The following CRYBG1 variants were observed in gnomAD, a reference collection of about 807,000 sequenced individuals.
CRYBG1 encodes beta/gamma crystallin domain-containing protein 1.
CRYBG1 carries 139 observed loss-of-function variants against 189.2 expected under a neutral mutation model. That is an observed-to-expected ratio of 0.73 (90% CI 0.64 to 0.85). CRYBG1 has a LOEUF of 0.85. Among genes scored for constraint, CRYBG1 ranks in the 40% least tolerant of loss-of-function variants. CRYBG1 has a pLI of 0.00. For synonymous variants in CRYBG1, 1,023 were observed against 1,017.1 expected, an observed-to-expected ratio of 1.01 and a Z score of -0.11; for missense variants, 2,611 against 2,675.8, an observed-to-expected ratio of 0.98 and a Z score of 0.53.
intron 1 of CRYBG1, among the ~76,000 whole-genome samples, chr6:106,433,757 G>GTATATATA (rs1562305866): frequency 1.3e-4 from 3 of 23,540 alleles, no homozygotes; most frequent in African/African-American, 3.3e-4. Flanking sequence ...ATATATATAT[G>GTATATATA]TGTATATATA....
At chr6:106,444,077 C>T (rs2353589) in intron 1 of CRYBG1, among the ~76,000 whole-genome samples, 1 of 151,930 alleles carries the variant, frequency 6.6e-6, no homozygotes, top group Non-Finnish European at 1.5e-5. Context: ...GCTACAAAGG[C>T]TAACAATTGA....
intron 1 of CRYBG1, among the ~76,000 whole-genome samples, chr6:106,399,753 C>A (rs565149316): frequency 6.6e-6 from 1 of 150,976 alleles, no homozygotes; most frequent in Non-Finnish European, 1.5e-5. Flanking sequence ...AACTCCTGGG[C>A]TCAAGGCATC....
chr6:106,390,266 T>C (rs957485163), intron 1 of CRYBG1, among the ~76,000 whole-genome samples: 4 of 152,150 alleles, frequency 2.6e-5, no homozygotes, highest in African/African-American at 9.7e-5. Flanking sequence ...TTTTAGGGAC[T>C]TAGTACCAAA....
chr6:106,394,199 A>G (rs926013713), intron 1 of CRYBG1, among the ~76,000 whole-genome samples: 4 of 152,186 alleles, frequency 2.6e-5, no homozygotes, highest in Non-Finnish European at 4.4e-5. Flanking sequence ...AATGTAGCTT[A>G]TTAATAAATG....
chr6:106,457,297 A>G (rs1219196384), intron 2 of CRYBG1: 3 of 152,126 alleles, frequency 2.0e-5, no homozygotes, highest in African/African-American at 7.2e-5. Context: ...GCTCAGGTCT[A>G]TCTGCCTTTT....
At chr6:106,566,922 G>A (rs1180610657) in intron 21 of CRYBG1, among the ~76,000 whole-genome samples, 2 of 151,980 alleles carry the variant, frequency 1.3e-5, no homozygotes, top group Non-Finnish European at 2.9e-5. Context: ...AGTTCTTTTG[G>A]TAGACATTCA....
chr6:106,420,225 A>T (rs1771097682), intron 1 of CRYBG1, among the ~76,000 whole-genome samples: 1 of 152,168 alleles, frequency 6.6e-6, no homozygotes, highest in South Asian at 2.1e-4. Context: ...AGCATTGGTG[A>T]CCTGTGCTTT....
At chr6:106,543,363 A>G (rs1031429129) in intron 10 of CRYBG1, 77 bp from the exon 11 acceptor site, 2 of 1,402,400 alleles carry the variant, frequency 1.4e-6, no homozygotes. Flanking sequence ...GGACTTAGTG[A>G]TATTAAATGA....
chr6:106,438,021 T>C (rs1771494765), intron 1 of CRYBG1, among the ~76,000 whole-genome samples: 1 of 152,214 alleles, frequency 6.6e-6, no homozygotes, highest in African/African-American at 2.4e-5. Context: ...GTTGGGACTT[T>C]TGGTGTCTTT....
At chr6:106,362,080 C>T (rs1379093947) in intron 1 of CRYBG1, among the ~76,000 whole-genome samples, 1 of 150,856 alleles carries the variant, frequency 6.6e-6, no homozygotes, top group African/African-American at 2.4e-5. Flanking sequence ...ACGCCATTCT[C>T]CTGCCTCAGC....
At chr6:106,384,082 A>G (rs562605987) in intron 1 of CRYBG1, among the ~76,000 whole-genome samples, 16 of 152,284 alleles carry the variant, frequency 1.1e-4, no homozygotes, top group African/African-American at 3.6e-4. Flanking sequence ...CATCACCTCT[A>G]TTGAGGAGCA....
At chr6:106,444,699 C>T (rs958454237) in intron 1 of CRYBG1, among the ~76,000 whole-genome samples, 1 of 152,128 alleles carries the variant, frequency 6.6e-6, no homozygotes, top group African/African-American at 2.4e-5. Flanking sequence ...CCCAAAGCCT[C>T]GATTTCACAA....
intron 1 of CRYBG1, among the ~76,000 whole-genome samples, chr6:106,409,733 A>C (rs1036246930): frequency 2.6e-5 from 4 of 152,182 alleles, no homozygotes; most frequent in African/African-American, 9.7e-5. Flanking sequence ...ATCTATAACC[A>C]TCTGATCTTT....
chr6:106,468,157 T>C (rs1470661878), intron 2 of CRYBG1, among the ~76,000 whole-genome samples: 1 of 151,340 alleles, frequency 6.6e-6, no homozygotes, highest in Non-Finnish European at 1.5e-5. Context: ...ATGAAGAGGA[T>C]TTTGGATTTG....
chr6:106,568,569 A>G lies in CRYBG1; in HGVS notation c.*3A>G. On this transcript the variant is annotated 3_prime_UTR_variant, in exon 22 of 22. Transcript: ENST00000633556. ...AAGCCATGGTCCTATATACCTGAAC[A>G]AAGAAGGAAGAAGAATCTTCTGGAG... 4.4e-6 allele frequency: 7 copies of G among 1,600,818 alleles called. No homozygotes were observed. Among genetic ancestry groups the G allele is most frequent in the Non-Finnish European group, 6.0e-6 (7 of 1,168,372 alleles).
chr6:106,393,188 C>A (rs1232068840), intron 1 of CRYBG1, among the ~76,000 whole-genome samples: 2 of 152,186 alleles, frequency 1.3e-5, no homozygotes, highest in African/African-American at 4.8e-5. Flanking sequence ...AAACATTGGG[C>A]TAGCTCATCA....
intron 1 of CRYBG1, among the ~76,000 whole-genome samples, chr6:106,399,285 T>C (rs956637519): frequency 3.9e-5 from 6 of 152,346 alleles, no homozygotes; most frequent in Non-Finnish European, 8.8e-5. Flanking sequence ...TTTTTTCAAA[T>C]TGCATAAAAT....
intron 1 of CRYBG1, among the ~76,000 whole-genome samples, chr6:106,429,201 G>C (rs1411557323): frequency 1.3e-5 from 2 of 152,226 alleles, no homozygotes; most frequent in East Asian, 3.9e-4. Context: ...TGCTAATCAG[G>C]GCTATGCCCT....
intron 2 of CRYBG1, among the ~76,000 whole-genome samples, chr6:106,495,957 T>C (rs1035270239): frequency 9.9e-5 from 15 of 152,180 alleles, no homozygotes; most frequent in Non-Finnish European, 2.1e-4. Flanking sequence ...TTTTTCTTAA[T>C]GGTAGGCAAA....
Sources: allele counts gnomAD v4.1 joint callset (sites outside exome capture counted in the v4.1 genomes callset), GRCh38; gene constraint gnomAD v4.1.1; transcripts MANE v1.5; gene names NCBI Gene and HGNC (gene_info 2026-07-23, HGNC 2026-07-21).